IFT74: variants seen among roughly 807,000 people sequenced by gnomAD.
The protein encoded by IFT74 is intraflagellar transport 74, also known as intraflagellar transport protein 74 homolog.
A neutral mutation model predicts 96.7 loss-of-function variants in IFT74; 92 were observed. That is an observed-to-expected ratio of 0.95 (90% CI 0.80 to 1.13). The LOEUF (loss-of-function observed/expected upper bound fraction) is 1.13. Ranked by LOEUF, IFT74 falls within the 50% of genes most tolerant of loss-of-function variation. The probability of loss-of-function intolerance (pLI) is 0.00; values close to 1 mark genes in which losing one functional copy is unlikely to be tolerated. For missense variants in IFT74, 811 were observed against 698.2 expected (o/e 1.16, Z -1.82); for synonymous variants, 223 against 213.2 (o/e 1.05, Z -0.40).
At chr9:26,961,028 G>A (rs1826330615) in intron 1 of IFT74, among the ~76,000 whole-genome samples, 1 of 151,128 alleles carries the variant, frequency 6.6e-6, no homozygotes, top group African/African-American at 2.4e-5. Context: ...CCAGCAACCA[G>A]GAAAGATCAA....
At chr9:27,026,615 T>C (rs1793825846) in intron 12 of IFT74, among the ~76,000 whole-genome samples, 2 of 152,266 alleles carry the variant, frequency 1.3e-5, no homozygotes, top group Non-Finnish European at 2.9e-5. Flanking sequence ...ATCAAAATTA[T>C]ATCAAGTATT....
intron 13 of IFT74, among the ~76,000 whole-genome samples, chr9:27,033,931 G>C (rs1830241183): frequency 1.3e-5 from 2 of 152,102 alleles, no homozygotes; most frequent in African/African-American, 4.8e-5. Flanking sequence ...GTTTTTGTCA[G>C]TCAAGATAAG....
chr9:26,997,795 G>T, intron 8 of IFT74: 1 of 1,613,978 alleles, frequency 6.2e-7, no homozygotes, highest in Non-Finnish European at 8.5e-7. Context: ...AGTTCCATAG[G>T]TTTCCATATA....
chr9:26,973,351 T>C (rs535089850), intron 2 of IFT74, among the ~76,000 whole-genome samples: 2 of 152,228 alleles, frequency 1.3e-5, no homozygotes, highest in East Asian at 3.9e-4. Flanking sequence ...AAGGAGTCCA[T>C]CTTTAATGAG....
chr9:26,986,445 A>T (rs1827638599), intron 6 of IFT74, among the ~76,000 whole-genome samples: 1 of 151,526 alleles, frequency 6.6e-6, no homozygotes, highest in Non-Finnish European at 1.5e-5. Context: ...CCTCCCAAGC[A>T]GCTGGGACTA....
At chr9:27,046,531 T>C (rs1819708407) in intron 14 of IFT74, among the ~76,000 whole-genome samples, 1 of 152,184 alleles carries the variant, frequency 6.6e-6, no homozygotes, top group Non-Finnish European at 1.5e-5. Flanking sequence ...TCCTAGAATA[T>C]TTATTTACAA....
chr9:27,060,819 G>A (rs1475707239), intron 19 of IFT74, 168 bp downstream of exon 19: 5 of 399,114 alleles, frequency 1.3e-5, no homozygotes, highest in East Asian at 4.1e-5. Context: ...AAACATAGCC[G>A]GGCGTGGTGG....
Position 26,984,676 on chromosome 9 carries a change from A to T in IFT74, c.465+117A>T, listed in dbSNP as rs149434884. ...ACAGATACTTTTCAAAAGAAGACAA[A>T]CATGCAGCCAACAAGCATATGAAAA... On this transcript the variant is annotated intron_variant, in intron 6 of 19. Coordinates refer to ENST00000380062, the MANE Select transcript of IFT74 (RefSeq NM_025103.4). 4,190 of 707,898 alleles carry T rather than the reference A, an allele frequency of 5.9e-3. 72 individuals are homozygous for T. Among genetic ancestry groups the T allele is most frequent in the Non-Finnish European group, 4.2e-3 (1,810 of 426,950 alleles). The allele number at this position is 707,898 out of a possible 1,614,324, so 43.9% of individuals were successfully genotyped here. A position where few individuals can be genotyped will look rare whatever the true frequency, so the allele number is the denominator to read the frequency against.
At chr9:26,967,851 T>C (rs1321727940) in intron 2 of IFT74, among the ~76,000 whole-genome samples, 1 of 152,218 alleles carries the variant, frequency 6.6e-6, no homozygotes, top group Non-Finnish European at 1.5e-5. Flanking sequence ...CGGAAGGCTT[T>C]TGTCCTTCAG....
At chr9:27,036,370 T>G (rs1819186367) in intron 13 of IFT74, 2 of 1,508,740 alleles carry the variant, frequency 1.3e-6, no homozygotes, top group Admixed American at 4.8e-5. Flanking sequence ...TTTAAAACAT[T>G]AAGCTTATAT....
chr9:27,062,804 C>CA lies in IFT74; in HGVS notation c.*81dup, dbSNP rs774904497. On this transcript the variant is annotated 3_prime_UTR_variant, in exon 20 of 20. Coordinates refer to ENST00000380062, the MANE Select transcript of IFT74 (RefSeq NM_025103.4). ...GCTAAACTTGGTACAAGTTGACTAC[C>CA]AAAAAAAAAAAAAGCTTACTTTTGG... 28,690 of 596,426 alleles carry CA rather than the reference C, an allele frequency of 0.048. 3 individuals carry two copies. The highest frequency in any genetic ancestry group is 0.06 in the South Asian group (2,585 of 43,228). 36.9% of individuals were successfully genotyped at this position (596,426 alleles called of 1,614,324 possible).
rs775023194 is a variant in IFT74, at chr9:27,029,081, A to C, written c.1031A>C (p.Asp344Ala). 3.1e-6 allele frequency: 5 copies of C among 1,602,664 alleles called. No individual in the cohort carries two copies. The highest frequency in any genetic ancestry group is 4.3e-6 in the Non-Finnish European group (5 of 1,174,150). The part of the protein sequence containing the change: ...NQFIEEIRQL[D>A]MDLEEHQGEM... ...TTTATTGAAGAAATTAGACAACTTG[A>C]CATGGATTTAGAGGAACACCAAGGT... Residue 344 changes from aspartate (D) to alanine (A), a missense_variant, in exon 13 of 20, where the codon GAC (aspartate) becomes GCC (alanine). Physicochemically the swap from Asp to Ala is moderately radical, Grantham distance 126. Coordinates refer to ENST00000380062, the MANE Select transcript of IFT74 (RefSeq NM_025103.4).
chr9:26,991,971 G>C (rs1368364503), intron 8 of IFT74, among the ~76,000 whole-genome samples: 1 of 151,980 alleles, frequency 6.6e-6, no homozygotes, highest in Non-Finnish European at 1.5e-5. Context: ...AGAGGTTGCA[G>C]TTAGCTGAGG....
intron 8 of IFT74, among the ~76,000 whole-genome samples, chr9:27,005,928 C>T (rs1195916667): frequency 1.3e-5 from 2 of 152,120 alleles, no homozygotes; most frequent in African/African-American, 4.8e-5. Flanking sequence ...CAACCTCCAC[C>T]TCCTGGGTTC....
At chr9:27,017,365 G>T (rs892891122) in intron 11 of IFT74, among the ~76,000 whole-genome samples, 5 of 152,080 alleles carry the variant, frequency 3.3e-5, no homozygotes, top group African/African-American at 1.2e-4. Flanking sequence ...GGGACTGCAG[G>T]CATGTGCCAA....
In IFT74 at chr9:27,011,928, A is replaced by C; in HGVS notation, c.749A>C (p.Gln250Pro). 1.3e-6 allele frequency: 2 copies of C among 1,585,890 alleles called. No individual in the cohort carries two copies. The highest frequency in any genetic ancestry group is 1.7e-6 in the Non-Finnish European group (2 of 1,167,152). The change falls in exon 10 of 20, where the codon CAA becomes CCA. Residue 250 changes from glutamine to proline, a missense_variant. Transcript: ENST00000380062. The part of the protein sequence containing the change: ...LLQELDTLQQ[Q>P]LDSQNMKKES... ...TAGGAATTAGATACACTTCAACAAC[A>C]ATTGGATTCACAGAACATGAAAAAA...
intron 10 of IFT74, among the ~76,000 whole-genome samples, chr9:27,013,310 A>G (rs1829198595): frequency 6.6e-6 from 1 of 152,196 alleles, no homozygotes; most frequent in South Asian, 2.1e-4. Flanking sequence ...ACAATGTATT[A>G]TGTTGTATAA....
chr9:26,957,469 C>T (rs989998690), intron 1 of IFT74, among the ~76,000 whole-genome samples: 19 of 152,138 alleles, frequency 1.2e-4, no homozygotes, highest in African/African-American at 4.3e-4. Flanking sequence ...TTGCTTTGTA[C>T]ATAGAGTTCA....
Position 27,061,170 on chromosome 9 carries a change from C to T in IFT74, c.1684+519C>T, listed in dbSNP as rs555295370. On this transcript the variant is annotated intron_variant, in intron 19 of 19. Transcript: ENST00000380062. ...GTGTGTGTGTGTGTGTGTGTGTGTGCGCACGCACGTGCCCTCAAGTAACTA... is the reference window on the plus strand; with the variant it reads ...GTGTGTGTGTGTGTGTGTGTGTGTGTGCACGCACGTGCCCTCAAGTAACTA... 7.9e-3 allele frequency among the ~76,000 whole-genome samples: 1,183 copies of T among 149,286 alleles called. 16 individuals are homozygous for T. Among genetic ancestry groups the T allele is most frequent in the African/African-American group, 0.028 (1,113 of 40,062 alleles).
Sources: allele counts gnomAD v4.1 joint callset (sites outside exome capture counted in the v4.1 genomes callset), GRCh38; gene constraint gnomAD v4.1.1; transcripts MANE v1.5; gene names NCBI Gene and HGNC (gene_info 2026-07-23, HGNC 2026-07-21).